TRAP1: variants seen among roughly 807,000 people sequenced by gnomAD.
TRAP1 encodes heat shock protein 75 kDa, mitochondrial.
TRAP1 carries 102 observed loss-of-function variants against 89.1 expected under a neutral mutation model. The observed-to-expected ratio is 1.15, with a 90% CI of 0.98 to 1.35. The LOEUF (loss-of-function observed/expected upper bound fraction) is 1.35, where lower values mean the gene tolerates loss of function less well. Among genes scored for constraint, TRAP1 ranks in the 40% most tolerant of loss-of-function variants. TRAP1 has a pLI of 0.00. For synonymous variants in TRAP1, 508 were observed against 388.0 expected, an observed-to-expected ratio of 1.31 and a Z score of -3.64; for missense variants, 1,256 against 945.3, an observed-to-expected ratio of 1.33 and a Z score of -4.31.
intron 2 of TRAP1, among the ~76,000 whole-genome samples, chr16:3,689,556 G>C (rs2051184906): frequency 6.6e-6 from 1 of 152,186 alleles, no homozygotes; most frequent in South Asian, 2.1e-4. Context: ...ACAAAGTCTG[G>C]CTGGGCACCA....
At chr16:3,697,961 G>T (rs191785384) in intron 1 of TRAP1, among the ~76,000 whole-genome samples, 36 of 150,760 alleles carry the variant, frequency 2.4e-4, no homozygotes, top group Admixed American at 1.3e-3. Flanking sequence ...GCTAACTTTT[G>T]TGTTTTTTTG....
At chr16:3,693,958 A>C (rs1220490171) in intron 1 of TRAP1, among the ~76,000 whole-genome samples, 1 of 150,040 alleles carries the variant, frequency 6.7e-6, no homozygotes, top group Non-Finnish European at 1.5e-5. Flanking sequence ...ACACTACCGC[A>C]CTTCTGCACT....
intron 12 of TRAP1, chr16:3,665,542 G>A (rs560094069): frequency 5.9e-6 from 1 of 168,994 alleles, no homozygotes; most frequent in East Asian, 1.7e-4. Context: ...CATAGTATTT[G>A]GAGACTGATA....
Position 3,664,360 on chromosome 16 carries a change from G to A in TRAP1, c.1483C>T (p.Arg495Cys), listed in dbSNP as rs113510154. The A allele has an allele frequency of 2.3e-5, 37 of 1,612,878 alleles. No homozygotes were observed. The highest frequency in any genetic ancestry group is 5.0e-5 in the Admixed American group (3 of 59,816). The change falls in exon 13 of 18, where the codon CGC becomes TGC. Residue 495 changes from arginine (R) to cysteine (C), a missense_variant. Coordinates refer to ENST00000246957, the MANE Select transcript of TRAP1 (RefSeq NM_016292.3). ...GGGGCGCACAGGTAGTAGATGTTGC[G>A]GGTGCCGGCCCGCATGCGGCTGGCG... ...EYASRMRAGT[R>C]NIYYLCAPNR...
intron 1 of TRAP1, among the ~76,000 whole-genome samples, chr16:3,715,170 G>A (rs1025847767): frequency 6.6e-6 from 1 of 152,348 alleles, no homozygotes; most frequent in East Asian, 1.9e-4. Flanking sequence ...TGGGCACAGC[G>A]GCTCACGCTT....
At chr16:3,682,959 G>C (rs1045356512) in intron 4 of TRAP1, among the ~76,000 whole-genome samples, 1 of 151,574 alleles carries the variant, frequency 6.6e-6, no homozygotes, top group African/African-American at 2.4e-5. Flanking sequence ...ACACGAGGCC[G>C]GGAGTTTAAG....
At chr16:3,680,868 G>A (rs990309026) in intron 4 of TRAP1, among the ~76,000 whole-genome samples, 6 of 152,176 alleles carry the variant, frequency 3.9e-5, no homozygotes, top group Admixed American at 2.0e-4. Context: ...AAGGGCCCTC[G>A]CCAGATGCCC....
chr16:3,667,051 A>T (rs761130615), intron 11 of TRAP1, among the ~76,000 whole-genome samples: 37 of 152,202 alleles, frequency 2.4e-4, no homozygotes, highest in Non-Finnish European at 4.7e-4. Flanking sequence ...ACAGGGCAGA[A>T]TGGGACAGGA....
At chr16:3,695,076 C>G (rs1401874165) in intron 1 of TRAP1, among the ~76,000 whole-genome samples, 1 of 152,172 alleles carries the variant, frequency 6.6e-6, no homozygotes, top group Non-Finnish European at 1.5e-5. Context: ...GTTCAAATGT[C>G]CCCATTTTAT....
chr16:3,658,834 G>GCAGCTGA lies in TRAP1; in HGVS notation c.1965_1971dup (p.Arg658SerfsTer29). 1 of 1,613,986 alleles carries GCAGCTGA rather than the reference G, an allele frequency of 6.2e-7. No individual in the cohort carries two copies. The highest frequency in any genetic ancestry group is 8.5e-7 in the Non-Finnish European group (1 of 1,179,998). ...TGAGCCAGGCCAGGCTCGCTTGCGC[G>GCAGCTGA]CAGCTGATTCAGCTTCTTGATGAGC... On this transcript the variant is annotated frameshift_variant, in exon 17 of 18. Transcript: ENST00000246957. LOFTEE classifies it high-confidence loss of function.
In TRAP1 at chr16:3,662,055, C is replaced by G; in HGVS notation, c.1872G>C (p.Met624Ile). The G allele has an allele frequency of 6.2e-7, 1 of 1,613,510 alleles. No homozygotes were observed. Among genetic ancestry groups the G allele is most frequent in the African/African-American group, 1.3e-5 (1 of 75,072 alleles). The change falls in exon 16 of 18, where the codon ATG becomes ATC. Residue 624 changes from methionine (M) to isoleucine (I), a missense_variant. Transcript: ENST00000246957. ...EMGAARHFLR[M>I]QQLAKTQEER... The stretch of plus-strand genomic sequence containing the variant: ...CCTCCTGGGTCTTGGCCAGCTGCTG[C>G]ATGCGCAGGAAGTGGCGGGCAGCCC...
chr16:3,674,559 A>G (rs1206308085), intron 8 of TRAP1, 65 bp from the exon 9 acceptor site: 2 of 1,574,284 alleles, frequency 1.3e-6, no homozygotes, highest in South Asian at 1.2e-5. Context: ...ACCACCGTGC[A>G]GGCCTGAGCC....
At chr16:3,694,037 C>G (rs4786432) in intron 1 of TRAP1, among the ~76,000 whole-genome samples, 102,210 of 150,390 alleles carry the variant, frequency 0.68, 34,890 homozygotes, top group East Asian at 0.86. Flanking sequence ...TTCTGGGCAG[C>G]GGTGCTTCCC....
Position 3,710,877 on chromosome 16 carries a change from A to ATTTTT in TRAP1, c.88+6543_88+6544insAAAAA, listed in dbSNP as rs1461150566. ...TGTGTGTATATATATATATATATAT[A>ATTTTT]TATTTTTTTTTTTGAGACACTGTCA... On this transcript the variant is annotated intron_variant, in intron 1 of 17. Coordinates refer to ENST00000246957, the MANE Select transcript of TRAP1 (RefSeq NM_016292.3). Among the ~76,000 whole-genome samples the ATTTTT allele has an allele frequency of 1.4e-4, 13 of 93,594 alleles. 1 individual carries two copies. Among genetic ancestry groups the ATTTTT allele is most frequent in the African/African-American group, 5.8e-4 (13 of 22,228 alleles). The allele number at this position is 93,594 out of a possible 152,430, so 61.4% of individuals were successfully genotyped here.
intron 7 of TRAP1, 150 bp downstream of exon 7, chr16:3,675,886 C>A: frequency 1.5e-6 from 1 of 686,218 alleles, no homozygotes. Flanking sequence ...GGCGGGCAGC[C>A]CCCCTCCCAG....
chr16:3,660,944 G>C (rs1015149582), intron 16 of TRAP1: 1 of 130,860 alleles, frequency 7.6e-6, no homozygotes, highest in African/African-American at 2.5e-5. Flanking sequence ...ATACTACTTA[G>C]GCTACATTGT....
In TRAP1 at chr16:3,676,093, T is replaced by C. The variant is rs113476582; in HGVS notation, c.757A>G (p.Ile253Val). ...CAGTCGGATTTCAGGTGGATGATGA[T>C]TTTTGTCCCGGTTCTAACTCCCGAA... ...EASGVRTGTK[I>V]IIHLKSDCKE... is the part of the protein sequence containing the mutation. Residue 253 changes from isoleucine to valine, a missense_variant, in exon 7 of 18, where the codon ATC becomes GTC. Transcript: ENST00000246957. The C allele has an allele frequency of 6.9e-3, 11,061 of 1,613,832 alleles. 52 individuals are homozygous for C. The highest frequency in any genetic ancestry group is 7.7e-3 in the Non-Finnish European group (9,099 of 1,179,876).
intron 11 of TRAP1, among the ~76,000 whole-genome samples, chr16:3,669,510 T>G (rs145884267): frequency 1.1e-3 from 171 of 152,208 alleles, no homozygotes; most frequent in African/African-American, 3.9e-3. Flanking sequence ...CCCCTAGTAT[T>G]CTATCCTAAG....
intron 6 of TRAP1, among the ~76,000 whole-genome samples, 194 bp downstream of exon 6, chr16:3,677,304 A>G (rs1322079373): frequency 6.6e-6 from 1 of 152,146 alleles, no homozygotes; most frequent in Admixed American, 6.5e-5. Context: ...GACCAACCAC[A>G]TGGGACCAGA....
Sources: allele counts gnomAD v4.1 joint callset (sites outside exome capture counted in the v4.1 genomes callset), GRCh38; gene constraint gnomAD v4.1.1; transcripts MANE v1.5; gene names NCBI Gene and HGNC (gene_info 2026-07-23, HGNC 2026-07-21).